The following PCDHA7 variants were observed in gnomAD, a reference collection of about 807,000 sequenced individuals.
The protein encoded by PCDHA7 is protocadherin alpha 7.
Under a neutral mutation model 57.2 loss-of-function variants are expected in PCDHA7, and 37 were observed. The ratio of observed to expected loss-of-function variants is 0.65; its 90% confidence interval spans 0.50 to 0.85. PCDHA7 has a LOEUF of 0.85. Among genes scored for constraint, PCDHA7 ranks in the 40% least tolerant of loss-of-function variants. PCDHA7 has a pLI of 0.00. For missense variants in PCDHA7, 1,188 were observed against 1,241.8 expected (o/e 0.96, Z 0.65); for synonymous variants, 553 against 558.8 (o/e 0.99, Z 0.15).
intron 1 of PCDHA7, among the ~76,000 whole-genome samples, chr5:140,900,367 T>C (rs1554189080): frequency 6.6e-6 from 1 of 152,152 alleles, no homozygotes; most frequent in Non-Finnish European, 1.5e-5. Context: ...AACCTCTGCC[T>C]CCTGGGTTCA....
At chr5:140,871,246 C>T (rs782203109) in intron 1 of PCDHA7, 2 of 1,613,982 alleles carry the variant, frequency 1.2e-6, no homozygotes, top group Non-Finnish European at 1.7e-6. Context: ...ACTCACGCTG[C>T]TGCTGTATAC....
chr5:140,849,562 C>T, intron 1 of PCDHA7: 2 of 1,598,556 alleles, frequency 1.3e-6, no homozygotes, highest in Non-Finnish European at 1.7e-6. Context: ...AAAACGCTCT[C>T]GGTTCCTGTA....
At chr5:140,898,583 G>C (rs1179481608) in intron 1 of PCDHA7, among the ~76,000 whole-genome samples, 2 of 152,124 alleles carry the variant, frequency 1.3e-5, no homozygotes, top group African/African-American at 4.8e-5. Context: ...TGCTGTTTTG[G>C]TTACTGTAGC....
In PCDHA7 at chr5:140,968,565, C is replaced by T. The variant is rs532751675; in HGVS notation, c.2356-10384C>T. ...GAGATGGTGCCTCGAACTGCCCCTG[C>T]TGGCTACCTGGTCACCAAAGTCATA... is the stretch of plus-strand genomic sequence containing the variant. On this transcript the variant is annotated intron_variant, in intron 1 of 3. Coordinates refer to ENST00000525929, the MANE Select transcript of PCDHA7 (RefSeq NM_018910.3). 4.3e-6 allele frequency: 7 copies of T among 1,614,206 alleles called. No homozygotes were observed. The African/African-American group carries it at 6.7e-5, about 15-fold the overall frequency.
At chr5:140,852,749 G>A in intron 1 of PCDHA7, 3 of 984,204 alleles carry the variant, frequency 3.0e-6, no homozygotes, top group Non-Finnish European at 2.4e-6. Flanking sequence ...ATTTAAACTT[G>A]GACCCAGGTA....
intron 3 of PCDHA7, among the ~76,000 whole-genome samples, chr5:141,004,093 C>T (rs1016954345): frequency 1.3e-5 from 2 of 152,164 alleles, no homozygotes; most frequent in African/African-American, 4.8e-5. Flanking sequence ...GTGCTTCTTC[C>T]GTTTTCATCT....
intron 1 of PCDHA7, among the ~76,000 whole-genome samples, chr5:140,909,761 TC>T (rs1308608657): frequency 1.3e-5 from 2 of 152,052 alleles, no homozygotes; most frequent in Admixed American, 6.5e-5. Context: ...ACAGGATGAG[TC>T]CAGGGACCCA....
chr5:140,958,677 G>C (rs917513084), intron 1 of PCDHA7, among the ~76,000 whole-genome samples: 3 of 152,090 alleles, frequency 2.0e-5, no homozygotes, highest in Non-Finnish European at 2.9e-5. Context: ...TAATTATAAA[G>C]GATATTGAAT....
intron 1 of PCDHA7, chr5:140,869,206 G>T (rs192388233): frequency 7.4e-6 from 12 of 1,613,854 alleles, no homozygotes; most frequent in African/African-American, 1.3e-5. Flanking sequence ...CCACTACTCC[G>T]TCTCGGAGGA....
chr5:140,894,956 A>T (rs2064745767), intron 1 of PCDHA7, among the ~76,000 whole-genome samples: 1 of 152,208 alleles, frequency 6.6e-6, no homozygotes, highest in South Asian at 2.1e-4. Context: ...AATGATAAAA[A>T]TATAATTTTT....
chr5:140,895,822 T>A (rs1353175200), intron 1 of PCDHA7, among the ~76,000 whole-genome samples: 1 of 152,084 alleles, frequency 6.6e-6, no homozygotes, highest in Non-Finnish European at 1.5e-5. Context: ...TTGTATTGTA[T>A]TTTTTTCAGA....
In PCDHA7 at chr5:140,843,150, A is replaced by T; in HGVS notation, c.2355+6412A>T. Reference sequence around the variant, plus strand: ...GGCTACAACGCGTGGCTTTCGTATGAGCTGCAGCCAGCTGCAAGCAGCCCT... The same window carrying T: ...GGCTACAACGCGTGGCTTTCGTATGTGCTGCAGCCAGCTGCAAGCAGCCCT... On this transcript the variant is annotated intron_variant, in intron 1 of 3. Transcript: ENST00000525929. 1.3e-6 allele frequency: 2 copies of T among 1,595,990 alleles called. 1 individual carries two copies. Among genetic ancestry groups the T allele is most frequent in the Non-Finnish European group, 1.7e-6 (2 of 1,165,576 alleles).
chr5:140,853,365 G>C (rs2150531166), intron 1 of PCDHA7: 504,759 of 981,110 alleles, frequency 0.51, 151,971 homozygotes, highest in South Asian at 0.62. Flanking sequence ...CAGGGATCCA[G>C]AGATGGTAAA....
At chr5:140,850,835 T>C in intron 1 of PCDHA7, 5 of 1,597,984 alleles carry the variant, frequency 3.1e-6, no homozygotes, top group Non-Finnish European at 4.3e-6. Flanking sequence ...CTCCTTGTGC[T>C]GGATCTACAG....
chr5:140,875,832 C>T, intron 1 of PCDHA7: 1 of 1,614,086 alleles, frequency 6.2e-7, no homozygotes, highest in Middle Eastern at 1.6e-4. Flanking sequence ...TCCATGTGGA[C>T]GTGGAGGTGA....
chr5:140,874,534 CA>C (rs782798422), intron 1 of PCDHA7, among the ~76,000 whole-genome samples: 5 of 152,202 alleles, frequency 3.3e-5, no homozygotes, highest in Non-Finnish European at 5.9e-5. Flanking sequence ...GATTAGGCTC[CA>C]AAACCCTTTA....
At chr5:140,843,518 C>T in intron 1 of PCDHA7, 2 of 1,595,646 alleles carry the variant, frequency 1.3e-6, no homozygotes, top group South Asian at 1.1e-5. Context: ...GGGCGGGTGC[C>T]GGGCGGGCAA....
rs568722959 is a variant in PCDHA7 at position 140,970,085 on chromosome 5, T to C, written c.2356-8864T>C. Among the ~76,000 whole-genome samples the C allele has an allele frequency of 2.6e-5, 4 of 151,946 alleles. No homozygotes were observed. The East Asian group carries it at 7.7e-4, about 29-fold the overall frequency. ...TATTAGAATGAGTGGATTAGGGGTG[T>C]GGGGGGATGGTGAAGACCAAGAGAA... is the stretch of plus-strand genomic sequence containing the variant. On this transcript the variant is annotated intron_variant, in intron 1 of 3. Coordinates refer to ENST00000525929, the MANE Select transcript of PCDHA7 (RefSeq NM_018910.3).
intron 1 of PCDHA7, among the ~76,000 whole-genome samples, chr5:140,955,667 T>C (rs1485421057): frequency 6.6e-6 from 1 of 152,188 alleles, no homozygotes; most frequent in Admixed American, 6.5e-5. Flanking sequence ...AATTTTAACA[T>C]AGTTTTTTCG....
Sources: gnomAD v4.1 joint callset for allele counts (sites outside exome capture counted in the v4.1 genomes callset) on GRCh38, gnomAD v4.1.1 for gene constraint, MANE v1.5 for transcripts, NCBI Gene and HGNC (gene_info 2026-07-23, HGNC 2026-07-21) for gene names.